LPO: variants seen among roughly 807,000 people sequenced by gnomAD.
LPO encodes lactoperoxidase.
A neutral mutation model predicts 68.4 loss-of-function variants in LPO; 70 were observed. The observed-to-expected ratio is 1.02, with a 90% confidence interval of 0.84 to 1.25. The LOEUF is 1.25. Among genes scored for constraint, LPO ranks in the 50% most tolerant of loss-of-function variants. LPO has a pLI of 0.00. For missense variants in LPO, 873 were observed against 908.4 expected, an observed-to-expected ratio of 0.96 and a Z score of 0.50; for synonymous variants, 360 against 357.6, an observed-to-expected ratio of 1.01 and a Z score of -0.08.
At position 58,244,088 on chromosome 17, in the gene LPO, GAGACACACAC is replaced by G. The variant is rs767678895; in HGVS notation, c.164+9_164+18del. On this transcript the variant is annotated splice_region_variant and intron_variant, in intron 3 of 12. Coordinates refer to ENST00000262290, the MANE Select transcript of LPO (RefSeq NM_006151.3). ...TCCTGGACTCCCGAACCAGGTACGT[GAGACACACAC>G]ACACACACACACACACACACACACA... The G allele has an allele frequency of 1.2e-4, 171 of 1,454,396 alleles. No homozygotes were observed. Among genetic ancestry groups the G allele is most frequent in the Middle Eastern group, 1.8e-4 (1 of 5,510 alleles). The allele number at this position is 1,454,396 out of a possible 1,614,324, so 90.1% of individuals were successfully genotyped here. A position where few individuals can be genotyped will look rare whatever the true frequency, so the allele number is the denominator to read the frequency against.
chr17:58,253,045 A>AAAAAG (rs1969993727), intron 8 of LPO, among the ~76,000 whole-genome samples: 8 of 145,650 alleles, frequency 5.5e-5, no homozygotes, highest in African/African-American at 2.0e-4. Flanking sequence ...AAAAAAAAAA[A>AAAAAG]AAAGAAAGAA....
At chr17:58,265,860 C>T (rs1598034484) in intron 10 of LPO, among the ~76,000 whole-genome samples, 1 of 152,030 alleles carries the variant, frequency 6.6e-6, no homozygotes, top group South Asian at 2.1e-4. Context: ...GTTAGGATTA[C>T]AGGCATGAGC....
rs144914036 is a variant in LPO, at chr17:58,266,237, G to A, written c.1604G>A (p.Arg535His). The change falls in exon 11 of 13, where the codon CGC (arginine) becomes CAC (histidine). Residue 535 changes from arginine to histidine, a missense_variant. Coordinates refer to ENST00000262290, the MANE Select transcript of LPO (RefSeq NM_006151.3). ...AATAAAATGATGACTGGAGAGCTGCGCAACAAGCTTTTCCAGCCAACTCAC... is the reference window on the plus strand; with the variant it reads ...AATAAAATGATGACTGGAGAGCTGCACAACAAGCTTTTCCAGCCAACTCAC... ...KQNKMMTGEL[R>H]NKLFQPTHRI... 754 of 1,614,098 alleles carry A rather than the reference G, an allele frequency of 4.7e-4. No homozygotes were observed. Among genetic ancestry groups the A allele is most frequent in the Middle Eastern group, 6.6e-4 (4 of 6,058 alleles).
chr17:58,242,985 G>T lies in LPO; in HGVS notation c.6G>T (p.Arg2Ser), dbSNP rs766666920. The change falls in exon 2 of 13, where the codon AGG (arginine) becomes AGT (serine). Residue 2 changes from arginine to serine, a missense_variant. Coordinates refer to ENST00000262290, the MANE Select transcript of LPO (RefSeq NM_006151.3). The part of the protein sequence containing the change: M[R>S]VLLHLPALLA... Reference sequence around the variant, plus strand: ...TCCTGCATCTCGTTTCAGTGATGAGGGTCCTTCTCCATCTCCCAGCCCTCC... The same window carrying T: ...TCCTGCATCTCGTTTCAGTGATGAGTGTCCTTCTCCATCTCCCAGCCCTCC... 1.2e-6 allele frequency: 2 copies of T among 1,613,972 alleles called. No homozygotes were observed. Among genetic ancestry groups the T allele is most frequent in the East Asian group, 4.5e-5 (2 of 44,880 alleles).
intron 1 of LPO, among the ~76,000 whole-genome samples, chr17:58,241,949 C>T (rs1448341481): frequency 6.6e-6 from 1 of 152,176 alleles, no homozygotes; most frequent in Non-Finnish European, 1.5e-5. Context: ...TCTCTGGGAG[C>T]TGAGCCCTGG....
chr17:58,252,036 C>A, intron 7 of LPO, 146 bp from the exon 8 acceptor site: 1 of 772,466 alleles, frequency 1.3e-6, no homozygotes, highest in South Asian at 1.4e-5. Context: ...GTAATGTCAG[C>A]AAGAAGTGTC....
At chr17:58,254,703 C>CGG (rs557181459) in intron 8 of LPO, 108 bp from the exon 9 acceptor site, 848 of 886,642 alleles carry the variant, frequency 9.6e-4, no homozygotes, top group Non-Finnish European at 1.2e-3. Flanking sequence ...GTTGACGGGG[C>CGG]GGGGGGGGCG....
chr17:58,259,018 A>T (rs560728269), intron 9 of LPO, among the ~76,000 whole-genome samples: 1 of 117,982 alleles, frequency 8.5e-6, no homozygotes, highest in South Asian at 2.5e-4. Context: ...CCAGTCTATA[A>T]TTTGGTGGGG....
Position 58,267,234 on chromosome 17 carries a change from A to G in LPO, c.1694-115A>G, listed in dbSNP as rs184210242. 4.3e-4 allele frequency: 311 copies of G among 729,344 alleles called. 1 individual carries two copies. The highest frequency in any genetic ancestry group is 1.1e-4 in the Non-Finnish European group (48 of 441,134). The allele number at this position is 729,344 out of a possible 1,614,324, so 45.2% of individuals were successfully genotyped here. A position where few individuals can be genotyped will look rare whatever the true frequency, so the allele number is the denominator to read the frequency against. The stretch of plus-strand genomic sequence containing the variant: ...AATGGATTCCCTCCTTCCCCATCCC[A>G]AAGGCTGTAAGCCCAGACTTTCTAG... On this transcript the variant is annotated intron_variant, in intron 11 of 12. Transcript: ENST00000262290.
At chr17:58,255,258 G>A (rs1191600403) in intron 9 of LPO, among the ~76,000 whole-genome samples, 1 of 152,136 alleles carries the variant, frequency 6.6e-6, no homozygotes, top group Non-Finnish European at 1.5e-5. Context: ...GGGACTGTAG[G>A]CTCCTTCACT....
At position 58,267,998 on chromosome 17, in the gene LPO, C is replaced by T. The variant is rs368792584; in HGVS notation, c.*4C>T. The T allele has an allele frequency of 7.9e-5, 128 of 1,612,850 alleles. No homozygotes were observed. Among genetic ancestry groups the T allele is most frequent in the Non-Finnish European group, 1.0e-4 (118 of 1,179,972 alleles). On this transcript the variant is annotated 3_prime_UTR_variant, in exon 13 of 13. Coordinates refer to ENST00000262290, the MANE Select transcript of LPO (RefSeq NM_006151.3). ...CTGGGCCTCAGTGAAGAATTAGGGG[C>T]CCGCGCTGCACAGGAAAGTTCCCTT...
rs191637507 is a variant in LPO at position 58,267,422 on chromosome 17, G to A, written c.1767G>A (p.Lys589=). The change falls in exon 12 of 13, where the codon AAG becomes AAA. Residue 589 remains lysine (K), a synonymous_variant. Coordinates refer to ENST00000262290, the MANE Select transcript of LPO (RefSeq NM_006151.3). ...TAGAGGAGTTGAACACAGTGCTGAAGAGCAAGATGCTGGCCAAGAAGTTAC... is the reference window on the plus strand; with the variant it reads ...TAGAGGAGTTGAACACAGTGCTGAAAAGCAAGATGCTGGCCAAGAAGTTAC... ...QTLEELNTVL[K]SKMLAKKLLG... is the part of the protein sequence containing the mutation. 15 of 1,614,236 alleles carry A rather than the reference G, an allele frequency of 9.3e-6. 1 individual carries two copies. In the African/African-American group the frequency reaches 1.2e-4, roughly 13 times the overall value.
rs1157460614 is a variant in LPO, at chr17:58,264,912, G to C, written c.1457G>C (p.Gly486Ala). ...FRLDENYQPW[G>A]PEPELPLHTL... ...CTGGATGAGAATTATCAGCCATGGG[G>C]GCCAGAACCAGAACTCCCCCTCCAC... Residue 486 changes from glycine (G) to alanine (A), a missense_variant, in exon 10 of 13, where the codon GGG (glycine) becomes GCG (alanine). Coordinates refer to ENST00000262290, the MANE Select transcript of LPO (RefSeq NM_006151.3). The C allele has an allele frequency of 6.2e-7, 1 of 1,614,156 alleles. No individual in the cohort carries two copies. The highest frequency in any genetic ancestry group is 2.2e-5 in the East Asian group (1 of 44,888).
chr17:58,255,012 C>A (rs140072055), intron 9 of LPO, 41 bp downstream of exon 9: 2 of 1,600,746 alleles, frequency 1.2e-6, no homozygotes, highest in African/African-American at 2.7e-5. Context: ...TCCCACCTGG[C>A]TCCCACTCCT....
At chr17:58,243,254 G>A (rs1343923489) in intron 2 of LPO, 199 bp downstream of exon 2, 2 of 556,338 alleles carry the variant, frequency 3.6e-6, no homozygotes, top group Non-Finnish European at 6.4e-6. Flanking sequence ...GGTGGCCCTG[G>A]TATCCTTGGT....
At chr17:58,261,040 C>T (rs1209465827) in intron 9 of LPO, among the ~76,000 whole-genome samples, 2 of 152,094 alleles carry the variant, frequency 1.3e-5, no homozygotes, top group African/African-American at 4.8e-5. Flanking sequence ...TTTTATAACC[C>T]TGCTGTGGAC....
chr17:58,255,081 G>C (rs188294722), intron 9 of LPO, 110 bp downstream of exon 9: 1 of 1,119,004 alleles, frequency 8.9e-7, no homozygotes, highest in African/African-American at 1.6e-5. Flanking sequence ...CCACACCTCC[G>C]TTTCCCCCGG....
At position 58,252,425 on chromosome 17, in the gene LPO, C is replaced by A. The variant is rs775780077; in HGVS notation, c.1024C>A (p.Pro342Thr). 9.9e-6 allele frequency: 16 copies of A among 1,613,880 alleles called. No homozygotes were observed. The highest frequency in any genetic ancestry group is 1.3e-5 in the Non-Finnish European group (15 of 1,179,878). Residue 342 changes from proline to threonine, a missense_variant, in exon 8 of 13, where the codon CCC becomes ACC. By Grantham distance (38) the Pro-to-Thr change is conservative (BLOSUM62 -1). Transcript: ENST00000262290. ...VNQEVSDHGLPYLPYDSKKPS... is the reference protein window; with the variant it reads ...VNQEVSDHGLTYLPYDSKKPS... ...CCAGGAGGTCTCAGACCATGGACTA[C>A]CCTACCTGCCCTATGACAGCAAGAA...
Position 58,264,794 on chromosome 17 carries a change from G to C in LPO, c.1339G>C (p.Gly447Arg), listed in dbSNP as rs753116703. 6.2e-7 allele frequency: 1 copy of C among 1,614,206 alleles called. No individual in the cohort carries two copies. The highest frequency in any genetic ancestry group is 2.2e-5 in the East Asian group (1 of 44,890). The change falls in exon 10 of 13, where the codon GGC (glycine) becomes CGC (arginine). Residue 447 changes from glycine to arginine, a missense_variant. Physicochemically the swap from Gly to Arg is moderately radical, Grantham distance 125. Transcript: ENST00000262290. ...HMQKWIPPYQ[G>R]YSESVDPRIS... ...GCAGAAGTGGATACCCCCATATCAA[G>C]GCTACAGTGAATCTGTGGATCCCAG...
Sources: allele counts gnomAD v4.1 joint callset (sites outside exome capture counted in the v4.1 genomes callset), GRCh38; gene constraint gnomAD v4.1.1; transcripts MANE v1.5; gene names NCBI Gene and HGNC (gene_info 2026-07-23, HGNC 2026-07-21).